Variants in BMPR1A observed in about 807,000 individuals in gnomAD.
BMPR1A encodes bone morphogenetic protein receptor type 1A.
Under a neutral mutation model 66.0 loss-of-function variants are expected in BMPR1A, and 7 were observed. The observed-to-expected ratio is 0.11, with a 90% CI of 0.06 to 0.20. The LOEUF is 0.20. Ranked by LOEUF, BMPR1A falls within the 10% of genes least tolerant of loss-of-function variation. The probability of loss-of-function intolerance (pLI) is 1.00; values close to 1 mark genes in which losing one functional copy is unlikely to be tolerated. For missense variants in BMPR1A, 408 were observed against 669.1 expected (o/e 0.61, Z 4.31); for synonymous variants, 200 against 229.7 (o/e 0.87, Z 1.17).
intron 1 of BMPR1A, among the ~76,000 whole-genome samples, chr10:86,783,958 G>A (rs1185979199): frequency 6.6e-6 from 1 of 152,146 alleles, no homozygotes; most frequent in East Asian, 1.9e-4. Context: ...ATTTTTGTGT[G>A]TTGACTTTGT....
chr10:86,881,028 C>G (rs1842978778), intron 3 of BMPR1A, among the ~76,000 whole-genome samples: 1 of 151,728 alleles, frequency 6.6e-6, no homozygotes, highest in Non-Finnish European at 1.5e-5. Flanking sequence ...ACTGAGAGTC[C>G]CTTTAAAAAA....
At chr10:86,785,571 GGA>G (rs1052216138) in intron 1 of BMPR1A, among the ~76,000 whole-genome samples, 1 of 152,140 alleles carries the variant, frequency 6.6e-6, no homozygotes, top group African/African-American at 2.4e-5. Flanking sequence ...CCCAAAGCTG[GGA>G]TTATAGGCGT....
chr10:86,889,532 C>T (rs1843117745), intron 3 of BMPR1A: 2 of 153,732 alleles, frequency 1.3e-5, no homozygotes, highest in Non-Finnish European at 2.9e-5. Context: ...TGTGAAGTCT[C>T]TCCCCCTTTT....
intron 2 of BMPR1A, among the ~76,000 whole-genome samples, chr10:86,841,011 TAA>T (rs923007661): frequency 4.6e-5 from 7 of 152,314 alleles, no homozygotes; most frequent in East Asian, 1.9e-4. Context: ...TAAATTATCT[TAA>T]GAGATAATTT....
intron 1 of BMPR1A, among the ~76,000 whole-genome samples, chr10:86,835,895 A>G (rs1286378987): frequency 1.3e-5 from 2 of 152,248 alleles, no homozygotes; most frequent in Non-Finnish European, 2.9e-5. Context: ...TTGTTTGCAA[A>G]TAATTATTAA....
intron 1 of BMPR1A, among the ~76,000 whole-genome samples, chr10:86,810,387 G>C (rs1458982766): frequency 1.3e-5 from 2 of 152,168 alleles, no homozygotes; most frequent in African/African-American, 4.8e-5. Flanking sequence ...GCTGCTATGA[G>C]CATATTTGTA....
chr10:86,855,755 C>T (rs1842631940), intron 2 of BMPR1A: 3 of 1,019,642 alleles, frequency 2.9e-6, no homozygotes, highest in Non-Finnish European at 4.3e-6. Context: ...TTTCATTATG[C>T]TTTTTTGGTG....
intron 2 of BMPR1A, among the ~76,000 whole-genome samples, chr10:86,854,391 AAAGAC>A (rs1340263845): frequency 1.3e-5 from 2 of 152,172 alleles, no homozygotes; most frequent in African/African-American, 4.8e-5. Context: ...AGATTAAAGT[AAAGAC>A]AAGCATAGGA....
At chr10:86,766,892 T>C (rs866805613) in intron 1 of BMPR1A, among the ~76,000 whole-genome samples, 6 of 151,384 alleles carry the variant, frequency 4.0e-5, no homozygotes, top group African/African-American at 1.5e-4. Flanking sequence ...GGTGCCATCC[T>C]GGCTCACTGC....
At chr10:86,784,398 A>C (rs1022652950) in intron 1 of BMPR1A, among the ~76,000 whole-genome samples, 6 of 152,186 alleles carry the variant, frequency 3.9e-5, no homozygotes, top group Non-Finnish European at 5.9e-5. Context: ...GTGGTGTATT[A>C]CATTTACTGA....
At chr10:86,929,554 G>A (rs932007802), downstream of BMPR1A, 6 of 152,196 alleles carry the variant, frequency 3.9e-5, no homozygotes, top group Non-Finnish European at 5.9e-5. Flanking sequence ...ACTGATTATT[G>A]TTCCTCAAAA....
intron 1 of BMPR1A, among the ~76,000 whole-genome samples, chr10:86,819,450 G>A (rs939354190): frequency 1.3e-5 from 2 of 151,946 alleles, no homozygotes; most frequent in African/African-American, 4.8e-5. Flanking sequence ...ACAGGCACGC[G>A]CCACCATGCC....
rs1301101093 is a variant in BMPR1A, at chr10:86,926,982, G to C, written c.*3263G>C. 3 of 187,802 alleles carry C rather than the reference G, an allele frequency of 1.6e-5. No homozygotes were observed. The highest frequency in any genetic ancestry group is 2.2e-5 in the Non-Finnish European group (2 of 89,242). The allele number at this position is 187,802 out of a possible 1,614,324, so 11.6% of individuals were successfully genotyped here. A position where few individuals can be genotyped will look rare whatever the true frequency, so the allele number is the denominator to read the frequency against. On this transcript the variant is annotated 3_prime_UTR_variant, in exon 13 of 13. Transcript: ENST00000372037. ...TTTCTGATGTATAAAACTTGCATCT[G>C]ATTTCTTTGGAAATATTTTCACAAA...
chr10:86,770,851 GTTTGTACCGA>G (rs1203737355), intron 1 of BMPR1A, among the ~76,000 whole-genome samples: 12 of 152,214 alleles, frequency 7.9e-5, no homozygotes, highest in Admixed American at 5.9e-4. Context: ...TGTTTCTTGT[GTTTGTACCGA>G]TTTCAGACCC....
chr10:86,759,519 T>C (rs2132573053), intron 1 of BMPR1A, among the ~76,000 whole-genome samples: 1 of 152,362 alleles, frequency 6.6e-6, no homozygotes, highest in African/African-American at 2.4e-5. Flanking sequence ...TTCTTTATTT[T>C]TGTTGATGTC....
At chr10:86,803,950 T>C (rs1841849029) in intron 1 of BMPR1A, among the ~76,000 whole-genome samples, 1 of 152,186 alleles carries the variant, frequency 6.6e-6, no homozygotes, top group Admixed American at 6.5e-5. Context: ...TTTTTGACTT[T>C]CAGTAAAGTT....
intron 7 of BMPR1A, among the ~76,000 whole-genome samples, chr10:86,905,651 T>A (rs988717642): frequency 6.6e-6 from 1 of 152,016 alleles, no homozygotes; most frequent in African/African-American, 2.4e-5. Flanking sequence ...GCCCAGAATT[T>A]CTGCTTGGGA....
chr10:86,836,778 T>C (rs1357424848), intron 1 of BMPR1A, among the ~76,000 whole-genome samples: 3 of 151,792 alleles, frequency 2.0e-5, no homozygotes, highest in Non-Finnish European at 2.9e-5. Context: ...ACAAAAAATA[T>C]AAAAATTAGC....
chr10:86,865,292 A>G (rs955249621), intron 2 of BMPR1A, among the ~76,000 whole-genome samples: 1 of 152,178 alleles, frequency 6.6e-6, no homozygotes, highest in East Asian at 1.9e-4. Flanking sequence ...TTCCACCACA[A>G]AAGAAGTGAA....
Sources: gnomAD v4.1 joint callset for allele counts (sites outside exome capture counted in the v4.1 genomes callset) on GRCh38, gnomAD v4.1.1 for gene constraint, MANE v1.5 for transcripts, NCBI Gene and HGNC (gene_info 2026-07-23, HGNC 2026-07-21) for gene names.